Variants in MFSD6 observed in about 807,000 individuals in gnomAD.
The protein encoded by MFSD6 is major facilitator superfamily domain-containing protein 6.
Under a neutral mutation model 56.3 loss-of-function variants are expected in MFSD6, and 26 were observed. The ratio of observed to expected loss-of-function variants is 0.46; its 90% CI spans 0.34 to 0.64. MFSD6 has a LOEUF of 0.64. Ranked by LOEUF, MFSD6 falls within the 30% of genes least tolerant of loss-of-function variation. The pLI is 0.01. For missense variants in MFSD6, 750 were observed against 986.2 expected (o/e 0.76, Z 3.21); for synonymous variants, 331 against 366.9 (o/e 0.90, Z 1.12).
In MFSD6 at chr2:190,471,471, G is replaced by A. The variant is rs983106269; in HGVS notation, c.1630+1616G>A. Among the ~76,000 whole-genome samples the A allele has an allele frequency of 7.9e-5, 12 of 152,300 alleles. No individual in the cohort carries two copies. The highest frequency in any genetic ancestry group is 1.9e-4 in the East Asian group (1 of 5,190). ...CCGCACCTGGCTTGGAGGGTCCTAC[G>A]CCCACGGAGCCTCCCTCATTGCTAG... is the stretch of plus-strand genomic sequence containing the variant. On this transcript the variant is annotated intron_variant, in intron 4 of 7. Transcript: ENST00000392328. The surrounding 1 kb of genome is among the most constrained non-coding windows in gnomAD (Gnocchi z 4.7).
intron 3 of MFSD6, chr2:190,442,842 G>C (rs1172129334): frequency 6.6e-6 from 1 of 152,154 alleles, no homozygotes; most frequent in Non-Finnish European, 1.5e-5. Context: ...AGGACGGGAT[G>C]CAGATTTGCA....
At chr2:190,482,797 C>G (rs139911940) in intron 4 of MFSD6, among the ~76,000 whole-genome samples, 24 of 140,574 alleles carry the variant, frequency 1.7e-4, no homozygotes, top group African/African-American at 5.8e-4. Flanking sequence ...GTATTTGGGG[C>G]ATTTAAAAAA....
chr2:190,428,318 G>A (rs1030462047), intron 2 of MFSD6, among the ~76,000 whole-genome samples: 2 of 152,050 alleles, frequency 1.3e-5, no homozygotes, highest in East Asian at 1.9e-4. Context: ...GATGTCTTTC[G>A]GTGAATATAC....
chr2:190,488,742 C>T lies in MFSD6; in HGVS notation c.1716C>T (p.Gly572=), dbSNP rs200437025. 8.1e-6 allele frequency: 13 copies of T among 1,610,490 alleles called. No individual in the cohort carries two copies. Among genetic ancestry groups the T allele is most frequent in the Non-Finnish European group, 1.1e-5 (13 of 1,178,376 alleles). ...CTGAGCTGAGGACATCTGCTCAGGG[C>T]ATCCTGCAGGGCCTTCACCTGGGTT... is the stretch of plus-strand genomic sequence containing the variant. The part of the protein sequence containing the change: ...VPPELRTSAQ[G]ILQGLHLGLG... Residue 572 remains glycine (G), a synonymous_variant, in exon 5 of 8, where the codon GGC becomes GGT. Transcript: ENST00000392328. This position sits in a 1 kb window ranked among gnomAD's most constrained non-coding sequence, Gnocchi z 6.4.
In MFSD6 at chr2:190,463,379, G is replaced by C. The variant is rs1687428811; in HGVS notation, c.1533-6379G>C. Among the ~76,000 whole-genome samples, 1 of 152,184 alleles carries C rather than the reference G, an allele frequency of 6.6e-6. No homozygotes were observed. Among genetic ancestry groups the C allele is most frequent in the Admixed American group, 6.5e-5 (1 of 15,280 alleles). The stretch of plus-strand genomic sequence containing the variant: ...TAGAAATAAGCTTCATTCCTGGGGA[G>C]GAGGGCACATCAAGTGCTTGTGCTG... On this transcript the variant is annotated intron_variant, in intron 3 of 7. Transcript: ENST00000392328. This position sits in a 1 kb window ranked among gnomAD's most constrained non-coding sequence, Gnocchi z 4.4.
intron 4 of MFSD6, among the ~76,000 whole-genome samples, chr2:190,486,624 C>T (rs866861437): frequency 3.3e-5 from 5 of 152,130 alleles, no homozygotes; most frequent in African/African-American, 9.7e-5. Flanking sequence ...ATGTTTTGTC[C>T]GGTTTTTTAG....
chr2:190,480,514 A>G (rs2125197795), intron 4 of MFSD6, among the ~76,000 whole-genome samples: 1 of 152,358 alleles, frequency 6.6e-6, no homozygotes, highest in East Asian at 1.9e-4. Flanking sequence ...TCTTCCTAGG[A>G]TGACATCTTG....
Position 190,418,761 on chromosome 2 carries a change from A to G in MFSD6, c.-54+3348A>G, listed in dbSNP as rs757527062. Among the ~76,000 whole-genome samples, 2 of 152,186 alleles carry G rather than the reference A, an allele frequency of 1.3e-5. No individual in the cohort carries two copies. The highest frequency in any genetic ancestry group is 2.9e-5 in the Non-Finnish European group (2 of 68,012). On this transcript the variant is annotated intron_variant, in intron 2 of 7. Coordinates refer to ENST00000392328, the MANE Select transcript of MFSD6 (RefSeq NM_017694.4). The surrounding 1 kb of genome is among the most constrained non-coding windows in gnomAD (Gnocchi z 4.1). ...GGCAGAAGGAGCCCCTATCTAAAAA[A>G]ACAAAACAAAACAAAAGAATGACAA...
At chr2:190,468,100 G>C (rs982864317) in intron 3 of MFSD6, among the ~76,000 whole-genome samples, 2 of 152,254 alleles carry the variant, frequency 1.3e-5, no homozygotes, top group Admixed American at 6.5e-5. Flanking sequence ...TTAATTTCCT[G>C]TGGCTTTTTT....
intron 3 of MFSD6, among the ~76,000 whole-genome samples, chr2:190,444,158 T>C (rs1686488398): frequency 6.6e-6 from 1 of 152,200 alleles, no homozygotes; most frequent in African/African-American, 2.4e-5. Context: ...GTAAAAAAAC[T>C]GTTGATTTGA....
In MFSD6 at chr2:190,457,304, A is replaced by G. The variant is rs1039985845; in HGVS notation, c.1533-12454A>G. 1.6e-4 allele frequency among the ~76,000 whole-genome samples: 25 copies of G among 152,202 alleles called. No individual in the cohort carries two copies. The highest frequency in any genetic ancestry group is 3.2e-4 in the Non-Finnish European group (22 of 68,004). On this transcript the variant is annotated intron_variant, in intron 3 of 7. Transcript: ENST00000392328. The surrounding 1 kb of genome is among the most constrained non-coding windows in gnomAD (Gnocchi z 5.1). ...TGTCTCTGTGAAAAGAGCGAGCTGGATGCTATGGCTCCTTTCAGTTCTGAC... is the reference window on the plus strand; with the variant it reads ...TGTCTCTGTGAAAAGAGCGAGCTGGGTGCTATGGCTCCTTTCAGTTCTGAC...
Position 190,496,743 on chromosome 2 carries a change from G to A in MFSD6, c.1892-696G>A, listed in dbSNP as rs1689712946. 6.6e-6 allele frequency among the ~76,000 whole-genome samples: 1 copy of A among 152,104 alleles called. No homozygotes were observed. Among genetic ancestry groups the A allele is most frequent in the Non-Finnish European group, 1.5e-5 (1 of 68,016 alleles). On this transcript the variant is annotated intron_variant, in intron 6 of 7. Transcript: ENST00000392328. The surrounding 1 kb of genome is among the most constrained non-coding windows in gnomAD (Gnocchi z 4.7). Reference sequence around the variant, plus strand: ...ATACTACTCAGCCATAAAAAGGAATGAATTAATGGCATTCACAGCAACCTG... The same window carrying A: ...ATACTACTCAGCCATAAAAAGGAATAAATTAATGGCATTCACAGCAACCTG...
chr2:190,427,141 G>C (rs1398513774), intron 2 of MFSD6, among the ~76,000 whole-genome samples: 1 of 152,234 alleles, frequency 6.6e-6, no homozygotes, highest in Non-Finnish European at 1.5e-5. Context: ...CCCCAGTGGG[G>C]AAAGGTAAGG....
intron 1 of MFSD6, among the ~76,000 whole-genome samples, chr2:190,408,842 C>T (rs550561767): frequency 1.3e-5 from 2 of 152,320 alleles, no homozygotes; most frequent in South Asian, 4.1e-4. Context: ...AAGGCGCTGC[C>T]CAGGGAGCCC....
chr2:190,481,620 G>A lies in MFSD6; in HGVS notation c.1631-7037G>A, dbSNP rs987153768. On this transcript the variant is annotated intron_variant, in intron 4 of 7. Transcript: ENST00000392328. Reference sequence around the variant, plus strand: ...TCACCTGCCAGACTGTAAGCTCCTTGGTGGCTGGGGACATTATTTTGCATA... The same window carrying A: ...TCACCTGCCAGACTGTAAGCTCCTTAGTGGCTGGGGACATTATTTTGCATA... Among the ~76,000 whole-genome samples the A allele has an allele frequency of 2.0e-5, 3 of 152,158 alleles. No individual in the cohort carries two copies. The East Asian group carries it at 5.8e-4, about 29-fold the overall frequency.
chr2:190,500,090 T>C lies in MFSD6; in HGVS notation c.2248T>C (p.Ser750Pro), dbSNP rs1414175147. 1.2e-6 allele frequency: 2 copies of C among 1,614,046 alleles called. No individual in the cohort carries two copies. Among genetic ancestry groups the C allele is most frequent in the Admixed American group, 1.7e-5 (1 of 60,006 alleles). ...PVPCETHSDP[S>P]RNQPSPDAAA... The stretch of plus-strand genomic sequence containing the variant: ...CCCATGTGAGACTCACTCTGACCCA[T>C]CTAGAAACCAGCCATCCCCTGACGC... Residue 750 changes from serine (S) to proline (P), a missense_variant, in exon 8 of 8, where the codon TCT becomes CCT. Physicochemically the swap from Ser to Pro is moderately conservative, Grantham distance 74. Around this residue, in one of 5 missense-constraint regions of MFSD6, gnomAD observed 172 missense variants for 203.9 expected, o/e 0.84. Coordinates refer to ENST00000392328, the MANE Select transcript of MFSD6 (RefSeq NM_017694.4). The surrounding 1 kb of genome is among the most constrained non-coding windows in gnomAD (Gnocchi z 5.3).
intron 2 of MFSD6, among the ~76,000 whole-genome samples, chr2:190,420,643 A>G (rs1685574608): frequency 6.6e-6 from 1 of 152,224 alleles, no homozygotes; most frequent in Non-Finnish European, 1.5e-5. Context: ...GACAAATTAA[A>G]TATAATCCAC....
Position 190,489,620 on chromosome 2 carries a change from A to G in MFSD6, c.1793-148A>G, listed in dbSNP as rs1201988888. On this transcript the variant is annotated intron_variant, in intron 5 of 7. Coordinates refer to ENST00000392328, the MANE Select transcript of MFSD6 (RefSeq NM_017694.4). The surrounding 1 kb of genome is among the most constrained non-coding windows in gnomAD (Gnocchi z 6.6). ...CACGTACCCAGCCCTGTGTTTTTCC[A>G]TTATGTGGAGCTAATACCCAACTAC... The G allele has an allele frequency of 5.7e-5, 38 of 668,450 alleles. No individual in the cohort carries two copies. The highest frequency in any genetic ancestry group is 9.1e-5 in the African/African-American group (5 of 54,886). The allele number at this position is 668,450 out of a possible 1,614,324, so 41.4% of individuals were successfully genotyped here. A position where few individuals can be genotyped will look rare whatever the true frequency, so the allele number is the denominator to read the frequency against.
At chr2:190,476,510 T>C (rs1238865689) in intron 4 of MFSD6, among the ~76,000 whole-genome samples, 17 of 152,110 alleles carry the variant, frequency 1.1e-4, no homozygotes, top group Non-Finnish European at 2.9e-5. Flanking sequence ...TGAGATACCA[T>C]CTCATACCAA....
Sources: gnomAD v4.1 joint callset for allele counts (sites outside exome capture counted in the v4.1 genomes callset) on GRCh38, gnomAD v4.1.1 for gene constraint, gnomAD v4.1.1 regional missense constraint, Gnocchi (gnomAD v3.1) non-coding constraint, MANE v1.5 for transcripts, NCBI Gene and HGNC (gene_info 2026-07-23, HGNC 2026-07-21) for gene names.